Variants in C1D observed in about 807,000 individuals in gnomAD.
The protein encoded by C1D is C1D nuclear receptor corepressor, also known as nuclear nucleic acid-binding protein C1D.
In C1D, 10 loss-of-function variants were observed where a neutral mutation model predicts 17.5. That is an observed-to-expected ratio of 0.57 (90% CI 0.35 to 0.97). The LOEUF (loss-of-function observed/expected upper bound fraction) is 0.97. C1D is among the 50% of genes least tolerant of loss of function. The pLI is 0.01. For synonymous variants in C1D, 49 were observed against 54.0 expected (o/e 0.91, Z 0.40); for missense variants, 136 against 160.1 (o/e 0.85, Z 0.81).
chr2:68,059,273 T>C (rs1671547983), intron 1 of C1D, among the ~76,000 whole-genome samples: 1 of 152,128 alleles, frequency 6.6e-6, no homozygotes, highest in African/African-American at 2.4e-5. Context: ...TCAATCTGCC[T>C]CCATGACCCA....
chr2:68,046,454 G>GA, intron 2 of C1D, 44 bp from the exon 3 acceptor site: 54 of 1,312,208 alleles, frequency 4.1e-5, no homozygotes, highest in South Asian at 6.2e-5. Flanking sequence ...AAGTGAGACA[G>GA]AAAAAAAATA....
chr2:68,046,365 T>A lies in C1D; in HGVS notation c.184A>T (p.Thr62Ser). The A allele has an allele frequency of 6.2e-7, 1 of 1,612,026 alleles. No homozygotes were observed. The highest frequency in any genetic ancestry group is 8.5e-7 in the Non-Finnish European group (1 of 1,178,678). The change falls in exon 3 of 5, where the codon ACA becomes TCA. Residue 62 changes from threonine (T) to serine (S), a missense_variant. Physicochemically the swap from Thr to Ser is moderately conservative, Grantham distance 58. Coordinates refer to ENST00000410067, the MANE Select transcript of C1D (RefSeq NM_173177.3). ...QAKVDLVSAY[T>S]LNSMFWVYLA... ...ATACCCCAAAACATTGAATTTAATGTGTATGCAGAAACCAAATCCACTTTT... is the reference window on the plus strand; with the variant it reads ...ATACCCCAAAACATTGAATTTAATGAGTATGCAGAAACCAAATCCACTTTT...
chr2:68,045,764 A>G (rs1182723748), intron 4 of C1D, among the ~76,000 whole-genome samples: 1 of 152,094 alleles, frequency 6.6e-6, no homozygotes, highest in Non-Finnish European at 1.5e-5. Context: ...ATAAATAATT[A>G]CTAGAATCGT....
At chr2:68,053,098 G>A (rs1671335815) in intron 1 of C1D, 5 of 1,550,674 alleles carry the variant, frequency 3.2e-6, no homozygotes, top group Non-Finnish European at 4.4e-6. Context: ...GGTTCTATAG[G>A]TACTCCTTGC....
chr2:68,046,286 T>A, intron 3 of C1D, 58 bp downstream of exon 3: 1 of 1,251,178 alleles, frequency 8.0e-7, no homozygotes, highest in Non-Finnish European at 1.2e-6. Context: ...TAAAAATAAA[T>A]CATCTTTCAC....
At chr2:68,046,624 C>G in intron 2 of C1D, 1 of 488,410 alleles carries the variant, frequency 2.0e-6, no homozygotes. Flanking sequence ...ACATTTTCAC[C>G]TTAGGGTATC....
rs1440066170 is a variant in C1D, at chr2:68,042,247, C to T, written c.*642G>A. The T allele has an allele frequency of 1.3e-5, 2 of 152,504 alleles. No homozygotes were observed. The highest frequency in any genetic ancestry group is 2.9e-5 in the Non-Finnish European group (2 of 67,930). 9.4% of individuals were successfully genotyped at this position (152,504 alleles called of 1,614,324 possible). Reference sequence around the variant, plus strand: ...CTTTATTGAGAGTACAGTCATCATGCCAAAATTCATCCATCAACATACAAC... The same window carrying T: ...CTTTATTGAGAGTACAGTCATCATGTCAAAATTCATCCATCAACATACAAC... On this transcript the variant is annotated 3_prime_UTR_variant, in exon 5 of 5. Transcript: ENST00000410067.
At chr2:68,056,162 G>A (rs562380220) in intron 1 of C1D, among the ~76,000 whole-genome samples, 14 of 152,198 alleles carry the variant, frequency 9.2e-5, no homozygotes, top group South Asian at 2.1e-4. Context: ...TTGCTGTCTC[G>A]CCCAAGCTGG....
intron 1 of C1D, among the ~76,000 whole-genome samples, chr2:68,049,771 T>C (rs1201547960): frequency 1.3e-5 from 2 of 152,198 alleles, no homozygotes; most frequent in Non-Finnish European, 2.9e-5. Flanking sequence ...TTAGATTATA[T>C]CAAATATTTA....
intron 1 of C1D, among the ~76,000 whole-genome samples, chr2:68,055,206 A>G (rs1237270399): frequency 6.6e-6 from 1 of 152,208 alleles, no homozygotes; most frequent in Non-Finnish European, 1.5e-5. Flanking sequence ...GACCACCAAC[A>G]GATCACTAAA....
chr2:68,055,632 T>A (rs1671416963), intron 1 of C1D, among the ~76,000 whole-genome samples: 1 of 152,210 alleles, frequency 6.6e-6, no homozygotes, highest in Non-Finnish European at 1.5e-5. Flanking sequence ...ATGGACAAAG[T>A]ACTAGATGAC....
At chr2:68,053,296 C>T in intron 1 of C1D, 7 of 1,341,496 alleles carry the variant, frequency 5.2e-6, no homozygotes, top group South Asian at 1.5e-5. Flanking sequence ...ACTGGTTATA[C>T]AGAAGCCAAA....
intron 1 of C1D, among the ~76,000 whole-genome samples, chr2:68,058,247 G>A (rs1290874882): frequency 6.6e-6 from 1 of 152,174 alleles, no homozygotes; most frequent in East Asian, 1.9e-4. Context: ...CCTGATACTT[G>A]GAAGATAATA....
intron 1 of C1D, among the ~76,000 whole-genome samples, chr2:68,052,156 A>T (rs1207139287): frequency 6.6e-6 from 1 of 152,184 alleles, no homozygotes; most frequent in East Asian, 1.9e-4. Context: ...GTCAGAGAAC[A>T]GAGAACATTG....
chr2:68,059,507 A>G (rs1024778161), intron 1 of C1D, among the ~76,000 whole-genome samples: 8 of 152,176 alleles, frequency 5.3e-5, no homozygotes, highest in African/African-American at 1.7e-4. Flanking sequence ...CTCTGCTCCC[A>G]AGGTTCTCTG....
At chr2:68,058,478 G>A (rs78627646) in intron 1 of C1D, among the ~76,000 whole-genome samples, 2,559 of 152,282 alleles carry the variant, frequency 0.017, 34 homozygotes, top group Non-Finnish European at 0.022. Context: ...ACTGTAGTGC[G>A]GGCAGAGAGA....
chr2:68,056,502 G>A (rs1205115500), intron 1 of C1D, among the ~76,000 whole-genome samples: 7 of 151,904 alleles, frequency 4.6e-5, no homozygotes, highest in African/African-American at 1.7e-4. Context: ...CAAGACTAAT[G>A]TCAAATAAAA....
At chr2:68,044,366 T>C (rs2103791513) in intron 4 of C1D, among the ~76,000 whole-genome samples, 1 of 152,336 alleles carries the variant, frequency 6.6e-6, no homozygotes, top group South Asian at 2.1e-4. Flanking sequence ...TTGTGATACA[T>C]ACGGCAAATA....
chr2:68,050,348 C>A (rs896821650), intron 1 of C1D, among the ~76,000 whole-genome samples: 3 of 151,946 alleles, frequency 2.0e-5, no homozygotes, highest in African/African-American at 7.3e-5. Flanking sequence ...CAGCTAAGGC[C>A]CCATTTTCTC....
Sources: gnomAD v4.1 joint callset for allele counts (sites outside exome capture counted in the v4.1 genomes callset) on GRCh38, gnomAD v4.1.1 for gene constraint, MANE v1.5 for transcripts, NCBI Gene and HGNC (gene_info 2026-07-23, HGNC 2026-07-21) for gene names.